PPIL2: variants seen among roughly 807,000 people sequenced by gnomAD.
PPIL2 encodes peptidylprolyl isomerase like 2.
A neutral mutation model predicts 75.2 loss-of-function variants in PPIL2; 50 were observed. The observed-to-expected ratio is 0.66, with a 90% confidence interval of 0.53 to 0.84. The LOEUF is 0.84. Among genes scored for constraint, PPIL2 ranks in the 40% least tolerant of loss-of-function variants. The probability of loss-of-function intolerance (pLI) is 0.00; values close to 1 mark genes in which losing one functional copy is unlikely to be tolerated. For synonymous variants in PPIL2, 245 were observed against 258.8 expected, an observed-to-expected ratio of 0.95 and a Z score of 0.51; for missense variants, 590 against 685.0, an observed-to-expected ratio of 0.86 and a Z score of 1.55.
chr22:21,694,612 G>T lies in PPIL2; in HGVS notation c.1216G>T (p.Val406Leu), dbSNP rs201081644. The T allele has an allele frequency of 3.1e-6, 5 of 1,613,992 alleles. No individual in the cohort carries two copies. Among genetic ancestry groups the T allele is most frequent in the Non-Finnish European group, 4.2e-6 (5 of 1,180,026 alleles). ...IFGRVVGGFD[V>L]LTAMENVESD... ...CTGCAGGGTTGTTGGGGGCTTTGAC[G>T]TACTGACAGCCATGGAGAATGTGGA... The change falls in exon 17 of 20, where the codon GTA (valine) becomes TTA (leucine). Residue 406 changes from valine (V) to leucine (L), a missense_variant. Coordinates refer to ENST00000398831, the MANE Select transcript of PPIL2 (RefSeq NM_014337.4).
In PPIL2 at chr22:21,671,006, G is replaced by C; in HGVS notation, c.138G>C (p.Leu46=). Residue 46 remains leucine (L), a synonymous_variant, in exon 4 of 20, where the codon CTG becomes CTC. Transcript: ENST00000398831. ...GACTGTCCTTTTTCAGTCTCTCTCT[G>C]CAGCCCTTTGTCTACCCAGTCTGCA... is the stretch of plus-strand genomic sequence containing the variant. ...RLPFDHCSLS[L]QPFVYPVCTP... 2 of 1,612,724 alleles carry C rather than the reference G, an allele frequency of 1.2e-6. No homozygotes were observed. The highest frequency in any genetic ancestry group is 1.7e-6 in the Non-Finnish European group (2 of 1,178,684).
At chr22:21,695,251 G>A in intron 19 of PPIL2, 143 bp from the exon 20 acceptor site, 1 of 1,324,678 alleles carries the variant, frequency 7.5e-7, no homozygotes, top group African/African-American at 1.5e-5. Context: ...GCCTCTGTGG[G>A]TGGAAGAGAT....
chr22:21,667,716 G>A (rs1103229), intron 1 of PPIL2, among the ~76,000 whole-genome samples: 17,139 of 150,342 alleles, frequency 0.11, 1,230 homozygotes, highest in Non-Finnish European at 0.16. Flanking sequence ...GTCTTGTGTA[G>A]TTAGTGGCTT....
At chr22:21,666,230 A>G (rs951508286) in intron 1 of PPIL2, 99 bp downstream of exon 1, 1 of 1,381,360 alleles carries the variant, frequency 7.2e-7, no homozygotes, top group Non-Finnish European at 1.0e-6. Flanking sequence ...GCTACTCCCC[A>G]GAGCACAGCC....
At chr22:21,667,991 G>A (rs1035744085) in intron 1 of PPIL2, among the ~76,000 whole-genome samples, 14 of 151,914 alleles carry the variant, frequency 9.2e-5, no homozygotes, top group African/African-American at 1.4e-4. Flanking sequence ...TGGTCAGGCC[G>A]GTCTCGAACT....
chr22:21,683,415 T>G (rs1474944269), intron 9 of PPIL2, among the ~76,000 whole-genome samples, 158 bp downstream of exon 9: 4 of 152,130 alleles, frequency 2.6e-5, no homozygotes, highest in African/African-American at 9.7e-5. Flanking sequence ...CTGAGCCAAC[T>G]GCAGCCTCAG....
intron 1 of PPIL2, chr22:21,669,446 G>C (rs554067672): frequency 2.4e-6 from 1 of 417,262 alleles, no homozygotes; most frequent in Non-Finnish European, 4.9e-6. Context: ...ACTGTGCCTG[G>C]TCTCCATGTC....
intron 2 of PPIL2, chr22:21,670,288 A>G: frequency 6.9e-7 from 1 of 1,439,986 alleles, no homozygotes; most frequent in Non-Finnish European, 9.3e-7. Context: ...AAAGAATGAT[A>G]ATATTTTCAG....
chr22:21,669,396 G>T (rs1223305603), intron 1 of PPIL2: 1 of 451,404 alleles, frequency 2.2e-6, no homozygotes. Flanking sequence ...CAATCTTCCT[G>T]CCTTGGCCTC....
rs1327706536 is a variant in PPIL2, at chr22:21,695,821, A to G, written c.*331A>G. 8.5e-7 allele frequency: 1 copy of G among 1,175,642 alleles called. No individual in the cohort carries two copies. The highest frequency in any genetic ancestry group is 1.6e-5 in the African/African-American group (1 of 62,870). 72.8% of individuals were successfully genotyped at this position (1,175,642 alleles called of 1,614,324 possible). A position where few individuals can be genotyped will look rare whatever the true frequency, so the allele number is the denominator to read the frequency against. On this transcript the variant is annotated 3_prime_UTR_variant, in exon 20 of 20. Coordinates refer to ENST00000398831, the MANE Select transcript of PPIL2 (RefSeq NM_014337.4). ...GTTAGTGAGGAAGGACTGTGTCTCC[A>G]GATTGTGGTTTCCTCTTTAAGACAG... is the stretch of plus-strand genomic sequence containing the variant.
At chr22:21,673,958 T>C (rs1414759541) in intron 5 of PPIL2, among the ~76,000 whole-genome samples, 1 of 152,138 alleles carries the variant, frequency 6.6e-6, no homozygotes, top group Admixed American at 6.5e-5. Flanking sequence ...TGGGGGTAGT[T>C]GAATGACAAA....
chr22:21,681,360 G>T lies in PPIL2; in HGVS notation c.357G>T (p.Val119=). 6.2e-7 allele frequency: 1 copy of T among 1,614,170 alleles called. No homozygotes were observed. The highest frequency in any genetic ancestry group is 8.5e-7 in the Non-Finnish European group (1 of 1,179,960). ...VFTNNTHIVA[V]RTTGNVYAYE... The stretch of plus-strand genomic sequence containing the variant: ...CCAACAACACCCACATCGTGGCTGT[G>T]AGGACGACCGGCAACGTCTACGCCT... The change falls in exon 7 of 20, where the codon GTG becomes GTT. Residue 119 remains valine, a synonymous_variant. Transcript: ENST00000398831.
intron 1 of PPIL2, among the ~76,000 whole-genome samples, chr22:21,666,414 T>C (rs1210506991): frequency 6.6e-6 from 1 of 152,190 alleles, no homozygotes; most frequent in Non-Finnish European, 1.5e-5. Flanking sequence ...GTTCGCGAGT[T>C]TCGCCCTTGA....
At chr22:21,667,975 C>T (rs1350824805) in intron 1 of PPIL2, among the ~76,000 whole-genome samples, 3 of 151,992 alleles carry the variant, frequency 2.0e-5, no homozygotes, top group Non-Finnish European at 4.4e-5. Context: ...CAGGTTTTCA[C>T]TATGTTGGTC....
intron 12 of PPIL2, 93 bp downstream of exon 12, chr22:21,687,091 T>G (rs1357540637): frequency 1.6e-6 from 2 of 1,220,086 alleles, no homozygotes; most frequent in Non-Finnish European, 1.2e-6. Flanking sequence ...CACTGGTATG[T>G]GCTTGTTGTA....
At chr22:21,669,501 T>C in intron 1 of PPIL2, 1 of 354,406 alleles carries the variant, frequency 2.8e-6, no homozygotes. Flanking sequence ...AGGTGTTTTT[T>C]TGTTTGTTTG....
chr22:21,680,524 C>G (rs1461148069), intron 6 of PPIL2, among the ~76,000 whole-genome samples: 1 of 150,936 alleles, frequency 6.6e-6, no homozygotes, highest in Non-Finnish European at 1.5e-5. Context: ...GAGCAAGACT[C>G]CATCTCAAAA....
Position 21,695,429 on chromosome 22 carries a change from C to T in PPIL2, c.1502C>T (p.Ala501Val), listed in dbSNP as rs773504375. 3 of 1,610,556 alleles carry T rather than the reference C, an allele frequency of 1.9e-6. No homozygotes were observed. The South Asian group carries it at 3.3e-5, about 18-fold the overall frequency. Residue 501 changes from alanine to valine, a missense_variant, in exon 20 of 20, where the codon GCC becomes GTC. Physicochemically the swap from Ala to Val is moderately conservative, Grantham distance 64 (BLOSUM62 0). Transcript: ENST00000398831. ...GCAGAGGAAGAGCCCTCAACCAGTG[C>T]CACTGTCCCCATGTCCAAGAAGAAG... ...RAAEEEPSTS[A>V]TVPMSKKKPS... is the part of the protein sequence containing the mutation.
At chr22:21,692,134 G>A (rs946876688) in intron 15 of PPIL2, among the ~76,000 whole-genome samples, 3 of 151,632 alleles carry the variant, frequency 2.0e-5, no homozygotes, top group African/African-American at 7.3e-5. Context: ...GGTCTGTCGT[G>A]TTCTCCTTCA....
Sources: allele counts gnomAD v4.1 joint callset (sites outside exome capture counted in the v4.1 genomes callset), GRCh38; gene constraint gnomAD v4.1.1; transcripts MANE v1.5; gene names NCBI Gene and HGNC (gene_info 2026-07-23, HGNC 2026-07-21).